DTNBP1: variants seen among roughly 807,000 people sequenced by gnomAD.
The protein encoded by DTNBP1 is dystrobrevin binding protein 1, also known as dysbindin.
DTNBP1 carries 35 observed loss-of-function variants against 42.8 expected under a neutral mutation model. The ratio of observed to expected loss-of-function variants is 0.82; its 90% CI spans 0.63 to 1.09. The LOEUF is 1.09. Ranked by LOEUF, DTNBP1 falls within the 50% of genes least tolerant of loss-of-function variation. The pLI, the probability that DTNBP1 is intolerant of heterozygous loss-of-function variation, is 0.00. For synonymous variants in DTNBP1, 171 were observed against 162.2 expected, an observed-to-expected ratio of 1.05 and a Z score of -0.41; for missense variants, 457 against 424.2, an observed-to-expected ratio of 1.08 and a Z score of -0.68.
At chr6:15,626,000 C>G (rs1759317757) in intron 5 of DTNBP1, among the ~76,000 whole-genome samples, 1 of 152,164 alleles carries the variant, frequency 6.6e-6, no homozygotes, top group African/African-American at 2.4e-5. Flanking sequence ...TCAGAAATAA[C>G]AAAACACTGA....
chr6:15,621,750 CT>C (rs1365043855), intron 5 of DTNBP1, among the ~76,000 whole-genome samples: 1 of 152,210 alleles, frequency 6.6e-6, no homozygotes, highest in East Asian at 1.9e-4. Context: ...GTTTACTTCA[CT>C]TCTTTCCTTC....
chr6:15,655,850 CCACT>C (rs1554178070), intron 1 of DTNBP1, among the ~76,000 whole-genome samples: 1 of 152,004 alleles, frequency 6.6e-6, no homozygotes, highest in Non-Finnish European at 1.5e-5. Context: ...TGAAATTAGC[CCACT>C]ATTTTTATTT....
chr6:15,523,071 C>G lies in DTNBP1; in HGVS notation c.960G>C (p.Gln320His), dbSNP rs1484737452. Reference sequence around the variant, plus strand: ...CCACCTGAACTTCCTCCTCATCGGACTGAACAACGGGGGACTCCCCACCCT... The same window carrying G: ...CCACCTGAACTTCCTCCTCATCGGAGTGAACAACGGGGGACTCCCCACCCT... ...ISEGGESPVVQSDEEEVQVDT... is the reference protein window; with the variant it reads ...ISEGGESPVVHSDEEEVQVDT... The change falls in exon 10 of 10, where the codon CAG becomes CAC. Residue 320 changes from glutamine (Q) to histidine (H), a missense_variant. Physicochemically the swap from Gln to His is conservative, Grantham distance 24. Coordinates refer to ENST00000344537, the MANE Select transcript of DTNBP1 (RefSeq NM_032122.5). 5 of 1,614,238 alleles carry G rather than the reference C, an allele frequency of 3.1e-6. No homozygotes were observed. The highest frequency in any genetic ancestry group is 4.2e-6 in the Non-Finnish European group (5 of 1,180,048).
At chr6:15,570,089 T>C (rs1440759048) in intron 7 of DTNBP1, among the ~76,000 whole-genome samples, 2 of 151,874 alleles carry the variant, frequency 1.3e-5, no homozygotes, top group East Asian at 1.9e-4. Flanking sequence ...TATACAGGGG[T>C]AGACCTGCTA....
intron 7 of DTNBP1, among the ~76,000 whole-genome samples, chr6:15,542,368 T>C: frequency 6.6e-6 from 1 of 151,512 alleles, no homozygotes; most frequent in East Asian, 1.9e-4. Flanking sequence ...TGATTTGTTT[T>C]GTTTTTTGTT....
intron 3 of DTNBP1, among the ~76,000 whole-genome samples, chr6:15,642,709 T>C (rs1169852183): frequency 1.3e-5 from 2 of 152,016 alleles, no homozygotes; most frequent in Non-Finnish European, 2.9e-5. Flanking sequence ...AAGCTATCCA[T>C]AACCAAGGAC....
intron 6 of DTNBP1, among the ~76,000 whole-genome samples, chr6:15,595,884 T>G (rs1232434063): frequency 1.3e-5 from 2 of 152,148 alleles, no homozygotes; most frequent in East Asian, 3.9e-4. Flanking sequence ...GATAAAAAGG[T>G]AGAGAGTTCT....
intron 7 of DTNBP1, chr6:15,546,024 G>A (rs1465588106): frequency 4.4e-6 from 2 of 450,970 alleles, no homozygotes; most frequent in South Asian, 1.6e-5. Flanking sequence ...CCAGGAGGGT[G>A]GAGCTGGCTG....
chr6:15,538,924 C>A (rs1038981265), intron 7 of DTNBP1, among the ~76,000 whole-genome samples: 1 of 152,158 alleles, frequency 6.6e-6, no homozygotes, highest in African/African-American at 2.4e-5. Flanking sequence ...AGATTGTTAA[C>A]AAAACAAACG....
chr6:15,533,271 G>A lies in DTNBP1; in HGVS notation c.636C>T (p.Ser212=). The change falls in exon 8 of 10, where the codon TCC becomes TCT. Residue 212 remains serine, a synonymous_variant. Coordinates refer to ENST00000344537, the MANE Select transcript of DTNBP1 (RefSeq NM_032122.5). ...GCTCTGCAATCTGCAGGTAGCCAGTGGACAGGTACTGCTCCATGTCCTGCT... is the reference window on the plus strand; with the variant it reads ...GCTCTGCAATCTGCAGGTAGCCAGTAGACAGGTACTGCTCCATGTCCTGCT... ...AFQQDMEQYL[S]TGYLQIAERR... The A allele has an allele frequency of 1.2e-6, 2 of 1,614,114 alleles. No homozygotes were observed. The highest frequency in any genetic ancestry group is 8.5e-7 in the Non-Finnish European group (1 of 1,180,034).
At chr6:15,534,665 A>C (rs986878765) in intron 7 of DTNBP1, among the ~76,000 whole-genome samples, 1 of 151,150 alleles carries the variant, frequency 6.6e-6, no homozygotes, top group African/African-American at 2.4e-5. Flanking sequence ...GTCTCAAAAA[A>C]AAAAAAAAAA....
chr6:15,647,200 C>CTCTTCTATTCATATG lies in DTNBP1; in HGVS notation c.161+4112_161+4113insCATATGAATAGAAGA, dbSNP rs1215530519. Among the ~76,000 whole-genome samples, 3 of 152,030 alleles carry CTCTTCTATTCATATG rather than the reference C, an allele frequency of 2.0e-5. No individual in the cohort carries two copies. The South Asian group carries it at 6.2e-4, about 31-fold the overall frequency. ...AAAGTGAGCAAAGGATATGAATAGA[C>CTCTTCTATTCATATG]TCTTCTCAAATGAAGACATATAAGA... On this transcript the variant is annotated intron_variant, in intron 3 of 9. Coordinates refer to ENST00000344537, the MANE Select transcript of DTNBP1 (RefSeq NM_032122.5).
rs539683888 is a variant in DTNBP1, at chr6:15,549,237, A to G, written c.512-15842T>C. On this transcript the variant is annotated intron_variant, in intron 7 of 9. Coordinates refer to ENST00000344537, the MANE Select transcript of DTNBP1 (RefSeq NM_032122.5). ...CATGGTGGCTCATGCCTGTAATCCG[A>G]GCACTTTGGGAGGCCGAGGCAGGCA... Among the ~76,000 whole-genome samples the G allele has an allele frequency of 3.3e-5, 5 of 152,314 alleles. No individual in the cohort carries two copies. The South Asian group carries it at 1.0e-3, about 32-fold the overall frequency.
At chr6:15,658,054 C>A (rs1371958976) in intron 1 of DTNBP1, among the ~76,000 whole-genome samples, 1 of 152,194 alleles carries the variant, frequency 6.6e-6, no homozygotes, top group South Asian at 2.1e-4. Flanking sequence ...TATATCAGCA[C>A]CAGTCTAGGG....
intron 7 of DTNBP1, among the ~76,000 whole-genome samples, chr6:15,539,603 G>A (rs1399760091): frequency 6.6e-6 from 1 of 152,224 alleles, no homozygotes; most frequent in African/African-American, 2.4e-5. Flanking sequence ...AATTAAGGCA[G>A]TTCTCAACCA....
chr6:15,556,059 A>C (rs1428828541), intron 7 of DTNBP1, among the ~76,000 whole-genome samples: 1 of 152,160 alleles, frequency 6.6e-6, no homozygotes, highest in Non-Finnish European at 1.5e-5. Context: ...TAGAGGCCCA[A>C]CTTAGCAGGG....
chr6:15,641,807 T>C (rs918269795), intron 3 of DTNBP1, among the ~76,000 whole-genome samples: 3 of 152,130 alleles, frequency 2.0e-5, no homozygotes, highest in African/African-American at 4.8e-5. Context: ...GTGAGATCTC[T>C]GGAGATCTAA....
At chr6:15,523,483 T>C in intron 9 of DTNBP1, 1 of 1,289,394 alleles carries the variant, frequency 7.8e-7, no homozygotes, top group East Asian at 4.0e-5. Flanking sequence ...AAGGCTGTAA[T>C]ACGCGTGTAA....
At chr6:15,626,398 G>A (rs1186484508) in intron 5 of DTNBP1, among the ~76,000 whole-genome samples, 2 of 152,110 alleles carry the variant, frequency 1.3e-5, no homozygotes, top group African/African-American at 2.4e-5. Flanking sequence ...ACTGTCTTAT[G>A]ACTTGCCAAT....
Sources: allele counts gnomAD v4.1 joint callset (sites outside exome capture counted in the v4.1 genomes callset), GRCh38; gene constraint gnomAD v4.1.1; transcripts MANE v1.5; gene names NCBI Gene and HGNC (gene_info 2026-07-23, HGNC 2026-07-21).